The following MC2R variants were observed in gnomAD, a reference collection of about 807,000 sequenced individuals.
The protein encoded by MC2R is adrenocorticotropic hormone receptor.
Under a neutral mutation model 9.8 loss-of-function variants are expected in MC2R, and 9 were observed. That is an observed-to-expected ratio of 0.92 (90% CI 0.55 to 1.60). The LOEUF (loss-of-function observed/expected upper bound fraction) is 1.60. MC2R is among the 40% of genes most tolerant of loss of function. The probability of loss-of-function intolerance (pLI) is 0.00; values close to 1 mark genes in which losing one functional copy is unlikely to be tolerated. For missense variants in MC2R, 370 were observed against 389.0 expected, an observed-to-expected ratio of 0.95 and a Z score of 0.41; for synonymous variants, 185 against 154.7, an observed-to-expected ratio of 1.20 and a Z score of -1.45.
chr18:13,884,847 C>A lies in MC2R; in HGVS notation c.672G>T (p.Leu224=). 1 of 1,614,020 alleles carries A rather than the reference C, an allele frequency of 6.2e-7. No homozygotes were observed. Among genetic ancestry groups the A allele is most frequent in the African/African-American group, 1.3e-5 (1 of 75,020 alleles). Residue 224 remains leucine (L), a synonymous_variant, in exon 2 of 2, where the codon CTG becomes CTT. Transcript: ENST00000327606. ...CCCAGCAGAAGATGAAGACCCCGAG[C>A]AGGATGGTCAGTGTGATGGCCCCTT... ...NMKGAITLTI[L]LGVFIFCWAP...
At chr18:13,907,084 G>A (rs1419133960) in intron 1 of MC2R, among the ~76,000 whole-genome samples, 1 of 152,170 alleles carries the variant, frequency 6.6e-6, no homozygotes, top group Non-Finnish European at 1.5e-5. Flanking sequence ...AGCAAAAAGA[G>A]CAAAGTTGGA....
intron 1 of MC2R, among the ~76,000 whole-genome samples, chr18:13,907,452 A>C (rs2045420489): frequency 6.6e-6 from 1 of 152,236 alleles, no homozygotes; most frequent in Admixed American, 6.5e-5. Context: ...GCTTCAAGAC[A>C]CTGGTCTCTG....
At chr18:13,894,278 G>A (rs1218805144) in intron 1 of MC2R, among the ~76,000 whole-genome samples, 1 of 152,156 alleles carries the variant, frequency 6.6e-6, no homozygotes, top group Non-Finnish European at 1.5e-5. Context: ...CAACATAGCT[G>A]TGAGACAGGC....
Position 13,885,622 on chromosome 18 carries a change from A to C in MC2R, c.-104T>G. On this transcript the variant is annotated 5_prime_UTR_variant, in exon 2 of 2. Transcript: ENST00000327606. ...TTCTTCCTTGTAGCACTTGCTGGAG[A>C]TCTAAGTTAAAATCTCCCAATCACC... 7.7e-7 allele frequency: 1 copy of C among 1,304,096 alleles called. No homozygotes were observed. 80.8% of individuals were successfully genotyped at this position (1,304,096 alleles called of 1,614,324 possible). A position where few individuals can be genotyped will look rare whatever the true frequency, so the allele number is the denominator to read the frequency against.
At chr18:13,899,067 C>T (rs1006397064) in intron 1 of MC2R, among the ~76,000 whole-genome samples, 3 of 152,098 alleles carry the variant, frequency 2.0e-5, no homozygotes, top group African/African-American at 4.8e-5. Flanking sequence ...ACCTTTCAGA[C>T]AGAGAATTCA....
intron 1 of MC2R, among the ~76,000 whole-genome samples, chr18:13,887,812 A>C (rs965144586): frequency 6.6e-6 from 1 of 152,050 alleles, no homozygotes; most frequent in Admixed American, 6.5e-5. Flanking sequence ...TGGCTTTCAG[A>C]CCAGAACACA....
chr18:13,888,094 A>G (rs1218667266), intron 1 of MC2R, among the ~76,000 whole-genome samples: 1 of 145,864 alleles, frequency 6.9e-6, no homozygotes. Flanking sequence ...TTTCAGATGC[A>G]TTTGATGGTA....
intron 1 of MC2R, among the ~76,000 whole-genome samples, chr18:13,903,583 A>G (rs2045393277): frequency 6.6e-6 from 1 of 152,172 alleles, no homozygotes. Context: ...AGAAAGACAA[A>G]CATCACATGT....
chr18:13,885,194 G>A lies in MC2R; in HGVS notation c.325C>T (p.Leu109=). 1 of 1,614,166 alleles carries A rather than the reference G, an allele frequency of 6.2e-7. No homozygotes were observed. Among genetic ancestry groups the A allele is most frequent in the South Asian group, 1.1e-5 (1 of 91,082 alleles). ...ETTADDIIDS[L]FVLSLLGSIF... ...GAGCCAAGCAGGGAGAGGACAAACA[G>A]GGAGTCGATGATGTCATCGGCTGTG... Residue 109 remains leucine, a synonymous_variant, in exon 2 of 2, where the codon CTG becomes TTG. Coordinates refer to ENST00000327606, the MANE Select transcript of MC2R (RefSeq NM_000529.2).
At chr18:13,893,860 T>C (rs2045331050) in intron 1 of MC2R, among the ~76,000 whole-genome samples, 1 of 152,216 alleles carries the variant, frequency 6.6e-6, no homozygotes, top group African/African-American at 2.4e-5. Context: ...TTTAACTGTA[T>C]TGCACAGGAG....
intron 1 of MC2R, among the ~76,000 whole-genome samples, chr18:13,914,182 A>T (rs2045462763): frequency 6.6e-6 from 1 of 151,336 alleles, no homozygotes; most frequent in Non-Finnish European, 1.5e-5. Context: ...ATGGCTTTGG[A>T]GCTTATCTAC....
At chr18:13,912,737 C>T (rs1567904311) in intron 1 of MC2R, among the ~76,000 whole-genome samples, 1 of 152,208 alleles carries the variant, frequency 6.6e-6, no homozygotes, top group Non-Finnish European at 1.5e-5. Flanking sequence ...AGTCAGTTTT[C>T]CTTGAACTTA....
intron 1 of MC2R, among the ~76,000 whole-genome samples, chr18:13,913,791 T>A (rs2045460605): frequency 6.6e-6 from 1 of 152,188 alleles, no homozygotes; most frequent in African/African-American, 2.4e-5. Context: ...GCTGCCCGTC[T>A]ATGCACCTGT....
At chr18:13,906,035 T>C (rs1318798875) in intron 1 of MC2R, among the ~76,000 whole-genome samples, 1 of 151,982 alleles carries the variant, frequency 6.6e-6, no homozygotes, top group East Asian at 1.9e-4. Context: ...GATTGTGCCA[T>C]TGCACTCCAC....
intron 1 of MC2R, among the ~76,000 whole-genome samples, chr18:13,889,224 C>A (rs2045298381): frequency 6.6e-6 from 1 of 152,164 alleles, no homozygotes; most frequent in African/African-American, 2.4e-5. Context: ...TTATTGGAAC[C>A]TCTGGAGTTA....
At position 13,883,321 on chromosome 18, in the gene MC2R, A is replaced by G. The variant is rs1314528186; in HGVS notation, c.*1304T>C. Reference sequence around the variant, plus strand: ...GTGCTTCTCCTTTAAGCTGATTTTTAGCTATTAAAAATGAATGAACTTGCA... The same window carrying G: ...GTGCTTCTCCTTTAAGCTGATTTTTGGCTATTAAAAATGAATGAACTTGCA... On this transcript the variant is annotated 3_prime_UTR_variant, in exon 2 of 2. Transcript: ENST00000327606. The G allele has an allele frequency of 6.6e-6, 1 of 152,164 alleles. No homozygotes were observed. Among genetic ancestry groups the G allele is most frequent in the Non-Finnish European group, 1.5e-5 (1 of 68,036 alleles). 9.4% of individuals were successfully genotyped at this position (152,164 alleles called of 1,614,324 possible). A position where few individuals can be genotyped will look rare whatever the true frequency, so the allele number is the denominator to read the frequency against.
At chr18:13,892,632 CTT>C (rs34775041) in intron 1 of MC2R, among the ~76,000 whole-genome samples, 13 of 150,900 alleles carry the variant, frequency 8.6e-5, no homozygotes, top group African/African-American at 2.9e-4. Flanking sequence ...AATAAATGAA[CTT>C]TTTTTTTTCT....
At chr18:13,910,189 T>C (rs970016743) in intron 1 of MC2R, among the ~76,000 whole-genome samples, 1 of 152,260 alleles carries the variant, frequency 6.6e-6, no homozygotes, top group African/African-American at 2.4e-5. Context: ...CCTTTTCCCA[T>C]TGAATTGCTT....
At chr18:13,897,113 T>G (rs1028546448) in intron 1 of MC2R, among the ~76,000 whole-genome samples, 1 of 152,112 alleles carries the variant, frequency 6.6e-6, no homozygotes, top group Non-Finnish European at 1.5e-5. Flanking sequence ...AAAGAAGCAC[T>G]GAAGTGGTAG....
Sources: gnomAD v4.1 joint callset for allele counts (sites outside exome capture counted in the v4.1 genomes callset) on GRCh38, gnomAD v4.1.1 for gene constraint, MANE v1.5 for transcripts, NCBI Gene and HGNC (gene_info 2026-07-23, HGNC 2026-07-21) for gene names.